The following DLEC1 variants were observed in gnomAD, a reference collection of about 807,000 sequenced individuals.
The protein encoded by DLEC1 is deleted in lung and esophageal cancer protein 1.
In DLEC1, 146 loss-of-function variants were observed where a neutral mutation model predicts 198.1. The observed-to-expected ratio is 0.74, with a 90% confidence interval of 0.64 to 0.85. The LOEUF is 0.85. DLEC1 is among the 40% of genes least tolerant of loss of function. The pLI is 0.00. For synonymous variants in DLEC1, 897 were observed against 866.8 expected, an observed-to-expected ratio of 1.03 and a Z score of -0.61; for missense variants, 2,233 against 2,220.0, an observed-to-expected ratio of 1.01 and a Z score of -0.12.
At chr3:38,092,674 G>C (rs1340583569) in intron 10 of DLEC1, 116 bp from the exon 11 acceptor site, 6 of 937,396 alleles carry the variant, frequency 6.4e-6, no homozygotes, top group Non-Finnish European at 1.0e-5. Context: ...GGCAGGGAGG[G>C]GAACAGAGAG....
chr3:38,110,811 C>T (rs1699828487), intron 23 of DLEC1, among the ~76,000 whole-genome samples: 1 of 151,850 alleles, frequency 6.6e-6, no homozygotes, highest in Non-Finnish European at 1.5e-5. Flanking sequence ...CACACACATG[C>T]ATACACACAT....
intron 13 of DLEC1, chr3:38,095,582 G>A (rs1559442112): frequency 8.2e-6 from 3 of 367,724 alleles, no homozygotes; most frequent in Non-Finnish European, 1.0e-5. Flanking sequence ...CAGCTGCCTC[G>A]TTGTCTATCC....
In DLEC1 at chr3:38,059,793, A is replaced by C; in HGVS notation, c.614A>C (p.His205Pro). The stretch of plus-strand genomic sequence containing the variant: ...GACAGCGAGTTGCTACGGAAACATC[A>C]TTTGATCTCCCCAGAAGATTACTAC... ...CIDSELLRKH[H>P]LISPEDYYTD... The change falls in exon 3 of 37, where the codon CAT becomes CCT. Residue 205 changes from histidine (H) to proline (P), a missense_variant. Physicochemically the swap from His to Pro is moderately conservative, Grantham distance 77. Coordinates refer to ENST00000308059, the MANE Select transcript of DLEC1 (RefSeq NM_007335.4). The C allele has an allele frequency of 1.9e-6, 3 of 1,614,174 alleles. No individual in the cohort carries two copies. The highest frequency in any genetic ancestry group is 1.7e-6 in the Non-Finnish European group (2 of 1,180,030).
chr3:38,086,248 G>C lies in DLEC1; in HGVS notation c.1443G>C (p.Pro481=), dbSNP rs573265663. 6 of 1,608,718 alleles carry C rather than the reference G, an allele frequency of 3.7e-6. No individual in the cohort carries two copies. The African/African-American group carries it at 8.0e-5, about 22-fold the overall frequency. ...GTTCTCCTGTGGCTACAGTGTCACC[G>C]GTGTTGGACTGTGGTTACTGCCTCA... ...RRPPPVLTLS[P]VLDCGYCLIG... is the part of the protein sequence containing the mutation. The change falls in exon 9 of 37, where the codon CCG becomes CCC. Residue 481 remains proline, a synonymous_variant. Transcript: ENST00000308059.
intron 1 of DLEC1, 145 bp downstream of exon 1, chr3:38,039,781 A>G: frequency 9.2e-7 from 1 of 1,089,358 alleles, no homozygotes; most frequent in South Asian, 1.6e-5. Context: ...TGGGCCCGAC[A>G]TTCTAGTGGA....
Position 38,039,504 on chromosome 3 carries a change from G to A in DLEC1, c.279G>A (p.Ser93=). Residue 93 remains serine (S), a synonymous_variant, in exon 1 of 37, where the codon TCG becomes TCA. Transcript: ENST00000308059. ...CCTCGCTGCGCACCCAAGATATCTC[G>A]CACTTGCTCACCGGCGTCTTCCGCA... ...RPSSLRTQDI[S]HLLTGVFRNL... 4 of 1,614,036 alleles carry A rather than the reference G, an allele frequency of 2.5e-6. No individual in the cohort carries two copies. Among genetic ancestry groups the A allele is most frequent in the Non-Finnish European group, 3.4e-6 (4 of 1,179,906 alleles).
In DLEC1 at chr3:38,110,170, G is replaced by C. The variant is rs371147939; in HGVS notation, c.3332G>C (p.Arg1111Pro). The change falls in exon 23 of 37, where the codon CGT becomes CCT. Residue 1111 changes from arginine to proline, a missense_variant. Coordinates refer to ENST00000308059, the MANE Select transcript of DLEC1 (RefSeq NM_007335.4). ...DFGSAVPLRT[R>P]VTRQLILTNR... Reference sequence around the variant, plus strand: ...GGCTCAGCGGTGCCACTGAGGACCCGTGTGACTCGCCAGCTCATTCTCACC... The same window carrying C: ...GGCTCAGCGGTGCCACTGAGGACCCCTGTGACTCGCCAGCTCATTCTCACC... 5.0e-6 allele frequency: 8 copies of C among 1,614,190 alleles called. No homozygotes were observed. The highest frequency in any genetic ancestry group is 2.2e-5 in the East Asian group (1 of 44,888).
At chr3:38,111,585 C>G in intron 23 of DLEC1, 92 bp from the exon 24 acceptor site, 2 of 1,390,532 alleles carry the variant, frequency 1.4e-6, no homozygotes, top group Non-Finnish European at 2.0e-6. Flanking sequence ...CTGCTGGGCA[C>G]CTGGTAGAAT....
chr3:38,085,326 C>T lies in DLEC1; in HGVS notation c.1314C>T (p.Tyr438=). 3 of 1,614,136 alleles carry T rather than the reference C, an allele frequency of 1.9e-6. No homozygotes were observed. The highest frequency in any genetic ancestry group is 2.5e-6 in the Non-Finnish European group (3 of 1,180,008). The change falls in exon 8 of 37, where the codon TAC becomes TAT. Residue 438 remains tyrosine, a synonymous_variant. Coordinates refer to ENST00000308059, the MANE Select transcript of DLEC1 (RefSeq NM_007335.4). ...GMVAPGMTCQ[Y]IVQFFPDCLG... ...TGGCTCCTGGAATGACCTGCCAGTA[C>T]ATTGTCCAGTTTTTTCCCGACTGCC...
chr3:38,060,802 C>T (rs1234403357), intron 3 of DLEC1, among the ~76,000 whole-genome samples: 1 of 151,884 alleles, frequency 6.6e-6, no homozygotes, highest in Non-Finnish European at 1.5e-5. Context: ...TCAAGCAATT[C>T]TCCTTCCTCA....
At chr3:38,105,617 T>C (rs1486167495) in intron 19 of DLEC1, among the ~76,000 whole-genome samples, 1 of 152,198 alleles carries the variant, frequency 6.6e-6, no homozygotes, top group Non-Finnish European at 1.5e-5. Flanking sequence ...TTGCATGATA[T>C]ATATTTTTCC....
chr3:38,084,107 T>C, intron 6 of DLEC1, 51 bp from the exon 7 acceptor site: 2 of 1,539,538 alleles, frequency 1.3e-6, no homozygotes, highest in Non-Finnish European at 1.8e-6. Flanking sequence ...CATCGTATCA[T>C]TTCGTCTATA....
At chr3:38,120,677 AGAG>A (rs954498358) in intron 34 of DLEC1, 68 bp downstream of exon 34, 171 of 1,591,626 alleles carry the variant, frequency 1.1e-4, no homozygotes, top group Non-Finnish European at 6.3e-5. Context: ...TGCTGGGGCC[AGAG>A]GAGGAAAGAC....
intron 19 of DLEC1, among the ~76,000 whole-genome samples, chr3:38,101,076 A>G (rs1449892571): frequency 6.6e-6 from 1 of 152,180 alleles, no homozygotes; most frequent in East Asian, 1.9e-4. Context: ...TCCTCCCTTC[A>G]ATAATTGTCA....
chr3:38,103,269 TC>T (rs1699398562), intron 19 of DLEC1: 1 of 152,296 alleles, frequency 6.6e-6, no homozygotes, highest in Non-Finnish European at 1.5e-5. Flanking sequence ...AGCCCACTCT[TC>T]CATGTGTTGC....
At chr3:38,109,159 G>A (rs767240762) in intron 21 of DLEC1, among the ~76,000 whole-genome samples, 2 of 152,214 alleles carry the variant, frequency 1.3e-5, no homozygotes, top group Admixed American at 6.5e-5. Context: ...GAGGAAGTGC[G>A]CAGCTTCTCC....
At chr3:38,109,864 G>A (rs1559456284) in intron 22 of DLEC1, 3 of 678,566 alleles carry the variant, frequency 4.4e-6, no homozygotes, top group Non-Finnish European at 7.3e-6. Flanking sequence ...CAGCAACTGG[G>A]AGCCATGCCA....
At chr3:38,056,097 ACACACACACACACACACAC>A (rs1559400123) in intron 2 of DLEC1, among the ~76,000 whole-genome samples, 3,124 of 150,800 alleles carry the variant, frequency 0.021, 117 homozygotes, top group African/African-American at 0.072. Context: ...ACACACACAC[ACACACACACACACACACAC>A]AAATAGCTGA....
Position 38,122,917 on chromosome 3 carries a change from T to A in DLEC1, c.*505T>A. The A allele has an allele frequency of 1.1e-6, 1 of 952,326 alleles. No homozygotes were observed. The highest frequency in any genetic ancestry group is 1.6e-6 in the Non-Finnish European group (1 of 626,790). 59.0% of individuals were successfully genotyped at this position (952,326 alleles called of 1,614,324 possible). A position where few individuals can be genotyped will look rare whatever the true frequency, so the allele number is the denominator to read the frequency against. ...TTCACATTTTCCAAATGAGTTGAAG[T>A]GCCTTGATCTGTCCACTGCCACCAC... On this transcript the variant is annotated 3_prime_UTR_variant, in exon 37 of 37. Transcript: ENST00000308059.
Sources: allele counts gnomAD v4.1 joint callset (sites outside exome capture counted in the v4.1 genomes callset), GRCh38; gene constraint gnomAD v4.1.1; transcripts MANE v1.5; gene names NCBI Gene and HGNC (gene_info 2026-07-23, HGNC 2026-07-21).